The following PHYH variants were observed in gnomAD, a reference collection of about 807,000 sequenced individuals.
PHYH encodes phytanoyl-CoA dioxygenase, peroxisomal.
A neutral mutation model predicts 38.5 loss-of-function variants in PHYH; 32 were observed. The ratio of observed to expected loss-of-function variants is 0.83; its 90% CI spans 0.63 to 1.12. PHYH has a LOEUF of 1.12. Ranked by LOEUF, PHYH falls within the 50% of genes most tolerant of loss-of-function variation. The pLI, the probability that PHYH is intolerant of heterozygous loss-of-function variation, is 0.00. For missense variants in PHYH, 426 were observed against 434.8 expected, an observed-to-expected ratio of 0.98 and a Z score of 0.18; for synonymous variants, 166 against 157.9, an observed-to-expected ratio of 1.05 and a Z score of -0.38.
chr10:13,298,208 C>A lies in PHYH; in HGVS notation c.113G>T (p.Ser38Ile). Residue 38 changes from serine to isoleucine, a missense_variant, in exon 2 of 9, where the codon AGT becomes ATT. Physicochemically the swap from Ser to Ile is moderately radical, Grantham distance 142. Transcript: ENST00000263038. The stretch of plus-strand genomic sequence containing the variant: ...TTACTGGAATTGTTGAGGATGGAAA[C>A]TGGCAGAGGAAATAGTCCCTGAAGT... ...HPTSGTISSA[S>I]FHPQQFQYTL... 6.2e-7 allele frequency: 1 copy of A among 1,605,666 alleles called. No homozygotes were observed. The highest frequency in any genetic ancestry group is 2.2e-5 in the East Asian group (1 of 44,824).
chr10:13,283,003 T>C (rs1202693720), intron 7 of PHYH, among the ~76,000 whole-genome samples: 1 of 151,814 alleles, frequency 6.6e-6, no homozygotes, highest in Non-Finnish European at 1.5e-5. Context: ...TCTTTTTTAG[T>C]AGAAGTGGGG....
intron 7 of PHYH, among the ~76,000 whole-genome samples, chr10:13,282,894 AC>A (rs2131633152): frequency 6.6e-6 from 1 of 152,072 alleles, no homozygotes; most frequent in Admixed American, 6.6e-5. Flanking sequence ...AACTTGTCCC[AC>A]CCTAATCCTG....
intron 7 of PHYH, among the ~76,000 whole-genome samples, chr10:13,281,399 G>GTTT (rs11430020): frequency 1.2e-4 from 17 of 145,198 alleles, no homozygotes; most frequent in African/African-American, 3.7e-4. Context: ...GAGGTATTTA[G>GTTT]TTTTTTTTTT....
intron 5 of PHYH, chr10:13,291,626 A>C: frequency 5.3e-6 from 3 of 565,720 alleles, no homozygotes; most frequent in South Asian, 4.0e-5. Context: ...CTACAAGTGC[A>C]TACCACCATG....
At chr10:13,296,794 A>G (rs1224736927) in intron 2 of PHYH, among the ~76,000 whole-genome samples, 1 of 151,580 alleles carries the variant, frequency 6.6e-6, no homozygotes, top group Non-Finnish European at 1.5e-5. Flanking sequence ...CCTCTACTAA[A>G]AATGCAAAAA....
chr10:13,298,872 GAGTGC>G (rs1832655288), intron 1 of PHYH, among the ~76,000 whole-genome samples: 3 of 21,148 alleles, frequency 1.4e-4, no homozygotes, highest in Non-Finnish European at 4.3e-4. Context: ...CGACATTGCA[GAGTGC>G]GGCACTGCAC....
At chr10:13,298,471 C>T (rs189592390) in intron 1 of PHYH, among the ~76,000 whole-genome samples, 34 of 151,992 alleles carry the variant, frequency 2.2e-4, no homozygotes, top group Admixed American at 5.3e-4. Context: ...GAGGCCGAGG[C>T]GGATGGATCA....
intron 8 of PHYH, among the ~76,000 whole-genome samples, chr10:13,278,964 G>A (rs767726442): frequency 2.8e-4 from 43 of 151,932 alleles, no homozygotes; most frequent in Non-Finnish European, 4.3e-4. Context: ...ATGTCATGTC[G>A]GGTTACAGAA....
At chr10:13,297,432 C>T (rs1304467010) in intron 2 of PHYH, among the ~76,000 whole-genome samples, 1 of 105,084 alleles carries the variant, frequency 9.5e-6, no homozygotes, top group African/African-American at 3.2e-5. Flanking sequence ...GTCCATATAA[C>T]CAAATACAAG....
At chr10:13,295,105 GT>G (rs1410169479) in intron 3 of PHYH, 2 of 279,580 alleles carry the variant, frequency 7.2e-6, no homozygotes, top group Non-Finnish European at 1.4e-5. Context: ...ACTCAGGAGG[GT>G]GAGGCCAGGA....
chr10:13,295,169 G>T, intron 3 of PHYH: 1 of 298,414 alleles, frequency 3.4e-6, no homozygotes, highest in Non-Finnish European at 6.3e-6. Context: ...TAAAAACAAA[G>T]AAATAAAAAA....
intron 6 of PHYH, 31 bp downstream of exon 6, chr10:13,288,329 G>T: frequency 6.2e-7 from 1 of 1,603,400 alleles, no homozygotes; most frequent in South Asian, 1.1e-5. Flanking sequence ...AAGGAGATTC[G>T]GATCAAGACT....
Position 13,294,509 on chromosome 10 carries a change from A to G in PHYH, c.333T>C (p.Tyr111=). 6.2e-7 allele frequency: 1 copy of G among 1,613,994 alleles called. No homozygotes were observed. Residue 111 remains tyrosine, a synonymous_variant, in exon 4 of 9, where the codon TAT becomes TAC. Transcript: ENST00000263038. ...MRDVTISKSE[Y]APSEKMITKV... ...TCGTGATCATCTTCTCACTTGGAGC[A>G]TATTCGGATTTCGAAATGGTCACAT...
Position 13,288,550 on chromosome 10 carries a change from A to C in PHYH, c.497-9T>G. ...ACGGGACGTCTTCTTGCCTGAAAAG[A>C]AAACCTGCTACTAAAGGATACTCGA... On this transcript the variant is annotated splice_polypyrimidine_tract_variant and intron_variant, in intron 5 of 8. Coordinates refer to ENST00000263038, the MANE Select transcript of PHYH (RefSeq NM_006214.4). 1 of 1,613,792 alleles carries C rather than the reference A, an allele frequency of 6.2e-7. No homozygotes were observed. Among genetic ancestry groups the C allele is most frequent in the Non-Finnish European group, 8.5e-7 (1 of 1,179,928 alleles).
At chr10:13,288,006 C>A (rs1384494536) in intron 6 of PHYH, among the ~76,000 whole-genome samples, 1 of 152,102 alleles carries the variant, frequency 6.6e-6, no homozygotes, top group East Asian at 1.9e-4. Flanking sequence ...ATGGCAAAAC[C>A]CTGTCTTTAC....
chr10:13,298,459 G>T (rs1832636183), intron 1 of PHYH, among the ~76,000 whole-genome samples: 1 of 152,030 alleles, frequency 6.6e-6, no homozygotes, highest in African/African-American at 2.4e-5. Context: ...CTAGCACTTT[G>T]GGAGGCCGAG....
intron 2 of PHYH, 137 bp from the exon 3 acceptor site, chr10:13,295,743 C>T (rs1475094197): frequency 6.3e-6 from 4 of 632,582 alleles, no homozygotes; most frequent in Admixed American, 5.0e-5. Context: ...TGAGACTAGC[C>T]CAGGCAACAT....
rs1835714776 is a variant in PHYH at position 13,291,735 on chromosome 10, TC to T, written c.496+95del. On this transcript the variant is annotated intron_variant, in intron 5 of 8. Coordinates refer to ENST00000263038, the MANE Select transcript of PHYH (RefSeq NM_006214.4). ...CCTCAGAGATCTTCCTCCCTTGGTCTCCTAAAATGCTGGGATTACAGGCATG... is the reference window on the plus strand; with the variant it reads ...CCTCAGAGATCTTCCTCCCTTGGTCTCTAAAATGCTGGGATTACAGGCATG... 3 of 804,816 alleles carry T rather than the reference TC, an allele frequency of 3.7e-6. No homozygotes were observed. The African/African-American group carries it at 5.0e-5, about 13-fold the overall frequency. The allele number at this position is 804,816 out of a possible 1,614,324, so 49.9% of individuals were successfully genotyped here.
chr10:13,288,788 T>A (rs1175858542), intron 5 of PHYH, among the ~76,000 whole-genome samples: 4 of 151,788 alleles, frequency 2.6e-5, no homozygotes, highest in African/African-American at 9.7e-5. Context: ...CATGCACCTG[T>A]AGTCACAGCT....
Sources: allele counts gnomAD v4.1 joint callset (sites outside exome capture counted in the v4.1 genomes callset), GRCh38; gene constraint gnomAD v4.1.1; transcripts MANE v1.5; gene names NCBI Gene and HGNC (gene_info 2026-07-23, HGNC 2026-07-21).